Variants in CCDC138 observed in about 807,000 individuals in gnomAD.
CCDC138 encodes coiled-coil domain containing 138, also known as coiled-coil domain-containing protein 138.
CCDC138 carries 66 observed loss-of-function variants against 82.3 expected under a neutral mutation model. The observed-to-expected ratio is 0.80, with a 90% CI of 0.66 to 0.98. CCDC138 has a LOEUF of 0.98. Among genes scored for constraint, CCDC138 ranks in the 50% least tolerant of loss-of-function variants. The pLI is 0.00. For synonymous variants in CCDC138, 297 were observed against 265.4 expected (o/e 1.12, Z -1.16); for missense variants, 816 against 758.9 (o/e 1.08, Z -0.88).
intron 11 of CCDC138, among the ~76,000 whole-genome samples, chr2:108,840,363 G>C (rs1689246085): frequency 6.6e-6 from 1 of 152,026 alleles, no homozygotes; most frequent in Non-Finnish European, 1.5e-5. Flanking sequence ...AATTGGGAAG[G>C]GTCTTATCCT....
At chr2:108,788,792 G>T in intron 2 of CCDC138, 60 bp from the exon 3 acceptor site, 1 of 1,605,920 alleles carries the variant, frequency 6.2e-7, no homozygotes, top group Admixed American at 1.7e-5. Context: ...TATGGCCAGT[G>T]CCAGATATTT....
At position 108,876,186 on chromosome 2, in the gene CCDC138, T is replaced by C. The variant is rs776557386; in HGVS notation, c.1931T>C (p.Leu644Pro). Reference protein sequence around the residue: ...NPEHAFLCINLNSTLFNLGLT... With the variant: ...NPEHAFLCINPNSTLFNLGLT... ...GAGCATGCATTTCTCTGTATTAATC[T>C]AAATTCAACTCTGTTCAATCTGGGT... The change falls in exon 15 of 15, where the codon CTA (leucine) becomes CCA (proline). Residue 644 changes from leucine to proline, a missense_variant. Leu to Pro is a moderately conservative substitution (Grantham distance 98). Transcript: ENST00000295124. 6.2e-7 allele frequency: 1 copy of C among 1,613,480 alleles called. No individual in the cohort carries two copies. Among genetic ancestry groups the C allele is most frequent in the Non-Finnish European group, 8.5e-7 (1 of 1,179,560 alleles).
At chr2:108,850,214 T>TA (rs1467062445) in intron 12 of CCDC138, among the ~76,000 whole-genome samples, 1 of 152,162 alleles carries the variant, frequency 6.6e-6, no homozygotes, top group Non-Finnish European at 1.5e-5. Flanking sequence ...TTAACTCTAG[T>TA]AAGAAGATGT....
At position 108,846,906 on chromosome 2, in the gene CCDC138, A is replaced by G. The variant is rs549047259; in HGVS notation, c.1492A>G (p.Ile498Val). Residue 498 changes from isoleucine to valine, a missense_variant, in exon 12 of 15, where the codon ATT (isoleucine) becomes GTT (valine). By Grantham distance (29) the Ile-to-Val change is conservative. Coordinates refer to ENST00000295124, the MANE Select transcript of CCDC138 (RefSeq NM_144978.3). Reference protein sequence around the residue: ...NLPLRFLSTLIVLKTVTQADY... With the variant: ...NLPLRFLSTLVVLKTVTQADY... ...GCCATTGAGATTTTTATCAACCTTA[A>G]TTGTTCTCAAAACAGTCACTCAAGG... 7 of 1,608,544 alleles carry G rather than the reference A, an allele frequency of 4.4e-6. No homozygotes were observed. The South Asian group carries it at 6.6e-5, about 15-fold the overall frequency.
intron 10 of CCDC138, among the ~76,000 whole-genome samples, chr2:108,834,981 A>G (rs1032577615): frequency 2.6e-5 from 4 of 152,238 alleles, no homozygotes; most frequent in Admixed American, 2.0e-4. Context: ...CAGCTCTTCA[A>G]TTGAAGTCAA....
chr2:108,818,779 G>T (rs1010271243), intron 10 of CCDC138, among the ~76,000 whole-genome samples: 9 of 150,708 alleles, frequency 6.0e-5, no homozygotes, highest in Admixed American at 3.3e-4. Context: ...AAATATTTTA[G>T]CAAAGTAATC....
At chr2:108,787,858 GA>G (rs1268720378) in intron 1 of CCDC138, 173 bp from the exon 2 acceptor site, 2 of 191,862 alleles carry the variant, frequency 1.0e-5, no homozygotes, top group Non-Finnish European at 1.9e-5. Flanking sequence ...GGAGGAACAT[GA>G]CGTTGGTTTG....
chr2:108,805,185 C>G (rs1682653458), intron 7 of CCDC138, among the ~76,000 whole-genome samples, 177 bp downstream of exon 7: 2 of 152,180 alleles, frequency 1.3e-5, no homozygotes, highest in South Asian at 4.1e-4. Context: ...GCTCTTTGGT[C>G]TCTTCTCTTT....
intron 12 of CCDC138, among the ~76,000 whole-genome samples, chr2:108,851,917 A>C (rs1691575784): frequency 6.6e-6 from 1 of 152,220 alleles, no homozygotes; most frequent in South Asian, 2.1e-4. Flanking sequence ...TGAGGTTTAC[A>C]AAGGTAGATA....
chr2:108,803,095 G>A (rs1682221789), intron 6 of CCDC138, among the ~76,000 whole-genome samples: 1 of 152,174 alleles, frequency 6.6e-6, no homozygotes, highest in African/African-American at 2.4e-5. Context: ...ATTTCTCAAA[G>A]CTTTTGCTAT....
At position 108,860,513 on chromosome 2, in the gene CCDC138, G is replaced by GT. The variant is rs113913339; in HGVS notation, c.1693+3556dup. On this transcript the variant is annotated intron_variant, in intron 13 of 14. Coordinates refer to ENST00000295124, the MANE Select transcript of CCDC138 (RefSeq NM_144978.3). ...TTATTTCAATGCCTAGGTTGTTGAG[G>GT]TTTTTTTTTTTTTATCCTAAAGAGA... Among the ~76,000 whole-genome samples the GT allele has an allele frequency of 8.1e-3, 1,147 of 141,916 alleles. 11 individuals carry two copies. The highest frequency in any genetic ancestry group is 0.034 in the South Asian group (148 of 4,414). 93.1% of individuals were successfully genotyped at this position (141,916 alleles called of 152,430 possible).
Position 108,863,004 on chromosome 2 carries a change from C to T in CCDC138, c.1693+6034C>T, listed in dbSNP as rs1693870441. Among the ~76,000 whole-genome samples, 3 of 152,280 alleles carry T rather than the reference C, an allele frequency of 2.0e-5. No homozygotes were observed. In the East Asian group the frequency reaches 5.8e-4, roughly 29 times the overall value. On this transcript the variant is annotated intron_variant, in intron 13 of 14. Coordinates refer to ENST00000295124, the MANE Select transcript of CCDC138 (RefSeq NM_144978.3). ...CAAAAACTTTGGACTATACTCCAGG[C>T]ATTAAACTTGTTCTACACATCTAGA...
exon 3 of CCDC138, chr2:108,885,299 T>C (rs1696395234): frequency 1.3e-5 from 2 of 152,226 alleles, no homozygotes; most frequent in East Asian, 3.8e-4. Flanking sequence ...CATATAACTT[T>C]TCCCTGTCAA....
At chr2:108,813,348 T>C (rs749136976) in intron 9 of CCDC138, among the ~76,000 whole-genome samples, 17 of 151,938 alleles carry the variant, frequency 1.1e-4, no homozygotes, top group Non-Finnish European at 2.1e-4. Context: ...GCAAACATTC[T>C]TTTTGGAATG....
intron 13 of CCDC138, among the ~76,000 whole-genome samples, chr2:108,859,136 C>T (rs988041085): frequency 2.0e-5 from 3 of 152,188 alleles, no homozygotes; most frequent in Non-Finnish European, 4.4e-5. Context: ...TTTTGGTTTG[C>T]ATTTCAAAGA....
At chr2:108,882,548 CTT>C (rs1281429806) in intron 1 of CCDC138, 1 of 152,228 alleles carries the variant, frequency 6.6e-6, no homozygotes, top group African/African-American at 2.4e-5. Flanking sequence ...ATCTCATTCT[CTT>C]GTTTGCCTGT....
intron 14 of CCDC138, among the ~76,000 whole-genome samples, chr2:108,875,074 G>A (rs1460345142): frequency 6.6e-6 from 1 of 151,814 alleles, no homozygotes; most frequent in Non-Finnish European, 1.5e-5. Flanking sequence ...TGATGCTCAA[G>A]CAGATCTTAA....
chr2:108,880,261 C>A (rs1369555841), downstream of CCDC138, among the ~76,000 whole-genome samples: 2 of 150,292 alleles, frequency 1.3e-5, no homozygotes, highest in East Asian at 1.9e-4. Flanking sequence ...ATTGCTAATA[C>A]CAAAAATGAT....
chr2:108,800,732 T>A (rs1468897255), intron 6 of CCDC138, among the ~76,000 whole-genome samples: 2 of 110,894 alleles, frequency 1.8e-5, no homozygotes, highest in Non-Finnish European at 3.6e-5. Context: ...ACCCACTAAC[T>A]CATCATCTAG....
Sources: gnomAD v4.1 joint callset for allele counts (sites outside exome capture counted in the v4.1 genomes callset) on GRCh38, gnomAD v4.1.1 for gene constraint, MANE v1.5 for transcripts, NCBI Gene and HGNC (gene_info 2026-07-23, HGNC 2026-07-21) for gene names.